The following UBE4B variants were observed in gnomAD, a reference collection of about 807,000 sequenced individuals.
UBE4B encodes the protein ubiquitination factor E4B.
In UBE4B, 27 loss-of-function variants were observed where a neutral mutation model predicts 148.1. The ratio of observed to expected loss-of-function variants is 0.18; its 90% confidence interval spans 0.13 to 0.25. The LOEUF is 0.25. Ranked by LOEUF, UBE4B falls within the 10% of genes least tolerant of loss-of-function variation. The pLI, the probability that UBE4B is intolerant of heterozygous loss-of-function variation, is 1.00. For missense variants in UBE4B, 1,170 were observed against 1,662.4 expected (o/e 0.70, Z 5.15); for synonymous variants, 596 against 619.3 (o/e 0.96, Z 0.56).
chr1:10,106,386 C>T lies in UBE4B; in HGVS notation c.999C>T (p.Tyr333=). ...CTTCATCCCCGCGGTATCGCCCCTA[C>T]ACTGTCACTCACCCATGGGCGTCCT... The part of the protein sequence containing the change: ...SQPSSPRYRP[Y]TVTHPWASSG... Residue 333 remains tyrosine, a synonymous_variant, in exon 7 of 28, where the codon TAC becomes TAT. Coordinates refer to ENST00000343090, the MANE Select transcript of UBE4B (RefSeq NM_001105562.3). The surrounding 1 kb of genome is among the most constrained non-coding windows in gnomAD (Gnocchi z 4.2). 1 of 1,613,616 alleles carries T rather than the reference C, an allele frequency of 6.2e-7. No individual in the cohort carries two copies. Among genetic ancestry groups the T allele is most frequent in the Non-Finnish European group, 8.5e-7 (1 of 1,179,658 alleles).
chr1:10,055,727 C>T (rs1278819477), intron 1 of UBE4B, among the ~76,000 whole-genome samples: 4 of 152,110 alleles, frequency 2.6e-5, no homozygotes, highest in African/African-American at 9.7e-5. Flanking sequence ...TGAGACCAGC[C>T]TGGTCAACAT....
chr1:10,147,836 T>TTTA (rs1396107780), intron 19 of UBE4B, among the ~76,000 whole-genome samples: 3 of 152,134 alleles, frequency 2.0e-5, no homozygotes, highest in South Asian at 2.1e-4. Flanking sequence ...TTTTGTTTTA[T>TTTA]TTATTATTAT....
At chr1:10,050,394 T>C (rs1644010928) in intron 1 of UBE4B, among the ~76,000 whole-genome samples, 1 of 152,112 alleles carries the variant, frequency 6.6e-6, no homozygotes. Context: ...TTTTGAGATA[T>C]ATCAGGCATA....
At chr1:10,158,232 C>A in intron 21 of UBE4B, 124 bp from the exon 22 acceptor site, 1 of 1,301,124 alleles carries the variant, frequency 7.7e-7, no homozygotes, top group Non-Finnish European at 1.0e-6. Context: ...AAAAGAAGTG[C>A]AAAATTTCAC....
chr1:10,177,611 G>C (rs1646446915), intron 25 of UBE4B, among the ~76,000 whole-genome samples: 1 of 152,088 alleles, frequency 6.6e-6, no homozygotes, highest in Admixed American at 6.5e-5. Flanking sequence ...AGCCATGATT[G>C]CACCACTGCA....
chr1:10,063,657 C>T (rs1465793623), intron 1 of UBE4B, among the ~76,000 whole-genome samples: 1 of 152,082 alleles, frequency 6.6e-6, no homozygotes, highest in Non-Finnish European at 1.5e-5. Flanking sequence ...GTAATTCCAA[C>T]ACTTTGGGAG....
intron 2 of UBE4B, among the ~76,000 whole-genome samples, chr1:10,082,378 G>A (rs533163060): frequency 6.6e-6 from 1 of 152,168 alleles, no homozygotes; most frequent in South Asian, 2.1e-4. Context: ...GTGCGCACCT[G>A]TAGGCCCAGC....
rs1170759954 is a variant in UBE4B, at chr1:10,181,199, A to G, written c.*1243A>G. 1 of 150,670 alleles carries G rather than the reference A, an allele frequency of 6.6e-6. No individual in the cohort carries two copies. Among genetic ancestry groups the G allele is most frequent in the Admixed American group, 6.6e-5 (1 of 15,090 alleles). The allele number at this position is 150,670 out of a possible 1,614,324, so 9.3% of individuals were successfully genotyped here. A position where few individuals can be genotyped will look rare whatever the true frequency, so the allele number is the denominator to read the frequency against. On this transcript the variant is annotated 3_prime_UTR_variant, in exon 28 of 28. Transcript: ENST00000343090. ...AGACAATGTCCTCTGTTCAATTCCT[A>G]ACGCAAACTACAATAAATGGTGACA...
intron 4 of UBE4B, 134 bp downstream of exon 4, chr1:10,101,329 G>A: frequency 1.3e-6 from 1 of 752,750 alleles, no homozygotes; most frequent in Non-Finnish European, 2.1e-6. Context: ...TTATTCTTTT[G>A]AGGAAAAATG....
chr1:10,148,262 C>T lies in UBE4B; in HGVS notation c.2592-922C>T, dbSNP rs115897115. Among the ~76,000 whole-genome samples the T allele has an allele frequency of 9.0e-3, 1,363 of 151,628 alleles. 10 individuals carry two copies. Among genetic ancestry groups the T allele is most frequent in the African/African-American group, 0.02 (846 of 41,338 alleles). Reference sequence around the variant, plus strand: ...AAAATGTGTGTAGCTCTGTTGTTTCCGTTTGAGTTGCACAAAATGACCAAA... The same window carrying T: ...AAAATGTGTGTAGCTCTGTTGTTTCTGTTTGAGTTGCACAAAATGACCAAA... On this transcript the variant is annotated intron_variant, in intron 19 of 27. Transcript: ENST00000343090.
intron 2 of UBE4B, among the ~76,000 whole-genome samples, chr1:10,079,215 C>T (rs756773516): frequency 1.3e-5 from 2 of 152,106 alleles, no homozygotes; most frequent in African/African-American, 4.8e-5. Context: ...CCCGCTCTGT[C>T]GCCCAGGCTG....
chr1:10,143,539 C>G (rs1347741744), intron 17 of UBE4B, among the ~76,000 whole-genome samples: 1 of 152,180 alleles, frequency 6.6e-6, no homozygotes, highest in Non-Finnish European at 1.5e-5. Context: ...CCTCCAAAAT[C>G]ATCCAAGATA....
chr1:10,140,509 TATC>T (rs1227753604), intron 17 of UBE4B, among the ~76,000 whole-genome samples: 1 of 152,256 alleles, frequency 6.6e-6, no homozygotes, highest in Non-Finnish European at 1.5e-5. Context: ...CAGCTTATAA[TATC>T]AATCACTGAG....
At chr1:10,175,977 A>AGTCACT (rs1646423986) in intron 25 of UBE4B, among the ~76,000 whole-genome samples, 1 of 152,188 alleles carries the variant, frequency 6.6e-6, no homozygotes. Context: ...CCCTTAAAGC[A>AGTCACT]GTCGCTGTCT....
In UBE4B at chr1:10,137,051, A is replaced by G. The variant is rs1260860593; in HGVS notation, c.2225-16A>G. 1 of 1,614,024 alleles carries G rather than the reference A, an allele frequency of 6.2e-7. No individual in the cohort carries two copies. Among genetic ancestry groups the G allele is most frequent in the Non-Finnish European group, 8.5e-7 (1 of 1,179,930 alleles). On this transcript the variant is annotated splice_polypyrimidine_tract_variant and intron_variant, in intron 16 of 27. Coordinates refer to ENST00000343090, the MANE Select transcript of UBE4B (RefSeq NM_001105562.3). ...TGTAATAGATTTTATTTAGGGAATG[A>G]TGTTATTTTTCCTAGATGGCGATCA...
At chr1:10,162,600 GC>G (rs1646182311) in intron 23 of UBE4B, among the ~76,000 whole-genome samples, 1 of 147,570 alleles carries the variant, frequency 6.8e-6, no homozygotes, top group African/African-American at 2.6e-5. Context: ...GAGTCACCGC[GC>G]CCAGACTTTT....
At chr1:10,132,331 G>C in intron 14 of UBE4B, 38 bp from the exon 15 acceptor site, 1 of 1,551,118 alleles carries the variant, frequency 6.4e-7, no homozygotes. Context: ...GTGCAAAATA[G>C]TTTTAATTTG....
chr1:10,075,955 G>A (rs1644572696), intron 2 of UBE4B, among the ~76,000 whole-genome samples: 1 of 152,026 alleles, frequency 6.6e-6, no homozygotes, highest in Admixed American at 6.6e-5. Context: ...GAGGTGGGAC[G>A]ATTGCTTGAG....
chr1:10,094,314 T>C (rs1386235519), intron 2 of UBE4B, among the ~76,000 whole-genome samples: 1 of 152,154 alleles, frequency 6.6e-6, no homozygotes, highest in Non-Finnish European at 1.5e-5. Flanking sequence ...TCAAAGGACA[T>C]TGTTGAGTCC....
Sources: allele counts gnomAD v4.1 joint callset (sites outside exome capture counted in the v4.1 genomes callset), GRCh38; gene constraint gnomAD v4.1.1; non-coding constraint Gnocchi (gnomAD v3.1); transcripts MANE v1.5; gene names NCBI Gene and HGNC (gene_info 2026-07-23, HGNC 2026-07-21).